ROR2: variants seen among roughly 807,000 people sequenced by gnomAD.
ROR2 encodes tyrosine-protein kinase transmembrane receptor ROR2.
ROR2 carries 33 observed loss-of-function variants against 74.9 expected under a neutral mutation model. The observed-to-expected ratio is 0.44, with a 90% CI of 0.33 to 0.59. The LOEUF (loss-of-function observed/expected upper bound fraction) is 0.59. Ranked by LOEUF, ROR2 falls within the 20% of genes least tolerant of loss-of-function variation. ROR2 has a pLI of 0.02. For missense variants in ROR2, 1,216 were observed against 1,313.8 expected (o/e 0.93, Z 1.15); for synonymous variants, 586 against 558.7 (o/e 1.05, Z -0.69).
intron 4 of ROR2, among the ~76,000 whole-genome samples, chr9:91,754,729 T>A (rs1825692199): frequency 6.6e-6 from 1 of 152,200 alleles, no homozygotes; most frequent in Non-Finnish European, 1.5e-5. Context: ...TTGAAATGAC[T>A]TATATGCCTT....
intron 1 of ROR2, among the ~76,000 whole-genome samples, chr9:91,874,663 C>T (rs756543333): frequency 1.1e-4 from 16 of 152,220 alleles, no homozygotes; most frequent in Non-Finnish European, 1.6e-4. Flanking sequence ...CTGGGCCGGG[C>T]GTGGTGGCTC....
chr9:91,798,518 T>C (rs542385774), intron 1 of ROR2, among the ~76,000 whole-genome samples: 1 of 132,862 alleles, frequency 7.5e-6, no homozygotes, highest in Non-Finnish European at 1.5e-5. Flanking sequence ...GCTGACACCC[T>C]GGGCTCTGTG....
chr9:91,745,929 G>A (rs1825397377), intron 4 of ROR2, among the ~76,000 whole-genome samples: 1 of 152,098 alleles, frequency 6.6e-6, no homozygotes, highest in Non-Finnish European at 1.5e-5. Flanking sequence ...AAAAAAATTA[G>A]ACTGGCTTCC....
At chr9:91,872,102 G>A (rs973968171) in intron 1 of ROR2, among the ~76,000 whole-genome samples, 1 of 152,038 alleles carries the variant, frequency 6.6e-6, no homozygotes, top group African/African-American at 2.4e-5. Flanking sequence ...ACAGATCTGT[G>A]GAGGAATTTC....
chr9:91,745,790 G>A (rs1266099659), intron 4 of ROR2, among the ~76,000 whole-genome samples: 1 of 152,084 alleles, frequency 6.6e-6, no homozygotes, highest in Non-Finnish European at 1.5e-5. Context: ...TGTCTATTTA[G>A]TCACCTACTG....
intron 1 of ROR2, among the ~76,000 whole-genome samples, chr9:91,852,526 G>A (rs1384999192): frequency 6.6e-6 from 1 of 152,064 alleles, no homozygotes; most frequent in Non-Finnish European, 1.5e-5. Flanking sequence ...TGAAAGAGGT[G>A]CGGAGGGCAG....
chr9:91,808,197 T>G (rs951243836), intron 1 of ROR2, among the ~76,000 whole-genome samples: 11 of 152,158 alleles, frequency 7.2e-5, no homozygotes, highest in African/African-American at 2.7e-4. Flanking sequence ...TCTATTAGGA[T>G]CCTGCATTTT....
At chr9:91,760,810 T>C (rs915930030) in intron 2 of ROR2, among the ~76,000 whole-genome samples, 1 of 152,212 alleles carries the variant, frequency 6.6e-6, no homozygotes, top group Non-Finnish European at 1.5e-5. Context: ...TGAGAAAGCA[T>C]GGTCTATGTA....
chr9:91,904,831 T>C (rs1830770141), intron 1 of ROR2, among the ~76,000 whole-genome samples: 1 of 152,052 alleles, frequency 6.6e-6, no homozygotes, highest in African/African-American at 2.4e-5. Context: ...AAAAACAAAC[T>C]GCTCATCACT....
chr9:91,733,724 T>C lies in ROR2; in HGVS notation c.623-288A>G, dbSNP rs1386347842. ...AAGCAGAACAAGAAAGAAGGAAAAC[T>C]CGGCCCCCTAGCTCACTCCGCTAGG... On this transcript the variant is annotated intron_variant, in intron 5 of 8. Transcript: ENST00000375708. This position sits in a 1 kb window ranked among gnomAD's most constrained non-coding sequence, Gnocchi z 5.7. Among the ~76,000 whole-genome samples the C allele has an allele frequency of 2.0e-5, 3 of 151,748 alleles. No homozygotes were observed. The highest frequency in any genetic ancestry group is 7.3e-5 in the African/African-American group (3 of 41,082).
At chr9:91,835,925 C>T (rs1723717991) in intron 1 of ROR2, among the ~76,000 whole-genome samples, 2 of 152,228 alleles carry the variant, frequency 1.3e-5, no homozygotes, top group African/African-American at 2.4e-5. Context: ...GGCGCTAGGA[C>T]AACGCTTTTG....
intron 4 of ROR2, among the ~76,000 whole-genome samples, chr9:91,744,464 A>G (rs1171120627): frequency 2.6e-5 from 4 of 152,062 alleles, no homozygotes; most frequent in Non-Finnish European, 5.9e-5. Flanking sequence ...ACCTCAGGTG[A>G]TAAGCCCACC....
chr9:91,826,578 G>A (rs1380642311), intron 1 of ROR2, among the ~76,000 whole-genome samples: 3 of 151,930 alleles, frequency 2.0e-5, no homozygotes, highest in African/African-American at 7.3e-5. Context: ...TCAGGAGATC[G>A]AGACCATCCT....
At chr9:91,753,746 T>G (rs117547805) in intron 4 of ROR2, among the ~76,000 whole-genome samples, 182 of 152,242 alleles carry the variant, frequency 1.2e-3, no homozygotes, top group Admixed American at 2.7e-3. Context: ...TCAAATACAC[T>G]GAGATGGAAA....
chr9:91,891,770 G>T (rs1830426202), intron 1 of ROR2, among the ~76,000 whole-genome samples: 1 of 151,934 alleles, frequency 6.6e-6, no homozygotes, highest in Non-Finnish European at 1.5e-5. Flanking sequence ...CACAGGGGCT[G>T]GGCATGGTGG....
rs538946597 is a variant in ROR2, at chr9:91,832,592, C to T, written c.98-56774G>A. ...GTAGAAGGCCTCAAAAGCAAAGCAG[C>T]GGCTTTTCTGAGAAAGAGGAAACTC... On this transcript the variant is annotated intron_variant, in intron 1 of 8. Coordinates refer to ENST00000375708, the MANE Select transcript of ROR2 (RefSeq NM_004560.4). Among the ~76,000 whole-genome samples the T allele has an allele frequency of 4.5e-4, 68 of 152,008 alleles. 1 individual carries two copies. Among genetic ancestry groups the T allele is most frequent in the Non-Finnish European group, 7.8e-4 (53 of 68,002 alleles).
chr9:91,723,475 T>C lies in ROR2; in HGVS notation c.*187A>G. The C allele has an allele frequency of 2.2e-6, 2 of 920,782 alleles. No homozygotes were observed. The highest frequency in any genetic ancestry group is 3.2e-6 in the Non-Finnish European group (2 of 630,018). 57.0% of individuals were successfully genotyped at this position (920,782 alleles called of 1,614,324 possible). On this transcript the variant is annotated 3_prime_UTR_variant, in exon 9 of 9. Coordinates refer to ENST00000375708, the MANE Select transcript of ROR2 (RefSeq NM_004560.4). ...ACCCCCTGCCTGGCTTGGGTGCTCCTAGGCAGGGCAGCTCTCTGTGTCAGA... is the reference window on the plus strand; with the variant it reads ...ACCCCCTGCCTGGCTTGGGTGCTCCCAGGCAGGGCAGCTCTCTGTGTCAGA...
At chr9:91,864,454 G>A (rs1438749797) in intron 1 of ROR2, among the ~76,000 whole-genome samples, 1 of 152,200 alleles carries the variant, frequency 6.6e-6, no homozygotes, top group East Asian at 1.9e-4. Context: ...AACACACATG[G>A]AGAAGGAATG....
At chr9:91,805,534 G>A (rs984583364) in intron 1 of ROR2, among the ~76,000 whole-genome samples, 3 of 152,246 alleles carry the variant, frequency 2.0e-5, no homozygotes, top group South Asian at 2.1e-4. Flanking sequence ...CCCCCTAGCC[G>A]GAGAGGCACA....
Sources: allele counts gnomAD v4.1 joint callset (sites outside exome capture counted in the v4.1 genomes callset), GRCh38; gene constraint gnomAD v4.1.1; non-coding constraint Gnocchi (gnomAD v3.1); transcripts MANE v1.5; gene names NCBI Gene and HGNC (gene_info 2026-07-23, HGNC 2026-07-21).